SHISA6: variants seen among roughly 807,000 people sequenced by gnomAD.
SHISA6 encodes the protein protein shisa-6.
A neutral mutation model predicts 47.9 loss-of-function variants in SHISA6; 22 were observed. That is an observed-to-expected ratio of 0.46 (90% CI 0.33 to 0.66). SHISA6 has a LOEUF of 0.66. Ranked by LOEUF, SHISA6 falls within the 30% of genes least tolerant of loss-of-function variation. The pLI is 0.02. For synonymous variants in SHISA6, 388 were observed against 337.8 expected, an observed-to-expected ratio of 1.15 and a Z score of -1.63; for missense variants, 680 against 764.6, an observed-to-expected ratio of 0.89 and a Z score of 1.30.
chr17:11,520,567 C>T (rs1199844194), intron 3 of SHISA6, among the ~76,000 whole-genome samples: 6 of 152,184 alleles, frequency 3.9e-5, no homozygotes, highest in African/African-American at 1.4e-4. Flanking sequence ...TCCAGCTACA[C>T]TGATCATTTC....
intron 3 of SHISA6, among the ~76,000 whole-genome samples, chr17:11,485,075 G>T (rs1183974040): frequency 6.6e-6 from 1 of 152,112 alleles, no homozygotes; most frequent in Non-Finnish European, 1.5e-5. Flanking sequence ...TTTTAAAAAG[G>T]ACCAACCTTT....
chr17:11,251,188 T>C (rs1358164347), intron 1 of SHISA6, among the ~76,000 whole-genome samples: 2 of 152,026 alleles, frequency 1.3e-5, no homozygotes, highest in Non-Finnish European at 2.9e-5. Flanking sequence ...AGCAAAGACC[T>C]ACCTTCCCAT....
At chr17:11,329,797 G>A (rs1911033231) in intron 2 of SHISA6, among the ~76,000 whole-genome samples, 1 of 152,026 alleles carries the variant, frequency 6.6e-6, no homozygotes, top group African/African-American at 2.4e-5. Flanking sequence ...AAAGAAAATC[G>A]ACTTAATATA....
chr17:11,390,329 GT>G (rs1476214124), intron 3 of SHISA6, among the ~76,000 whole-genome samples: 3 of 152,310 alleles, frequency 2.0e-5, no homozygotes, highest in Non-Finnish European at 4.4e-5. Flanking sequence ...TATCAGGGCT[GT>G]TGTGGAGACT....
intron 3 of SHISA6, among the ~76,000 whole-genome samples, chr17:11,423,348 T>C (rs1914513998): frequency 6.7e-6 from 1 of 149,550 alleles, no homozygotes; most frequent in African/African-American, 2.5e-5. Flanking sequence ...GATAGATAGA[T>C]AGATAGATAG....
At chr17:11,344,773 T>C (rs1911643021) in intron 2 of SHISA6, among the ~76,000 whole-genome samples, 1 of 152,218 alleles carries the variant, frequency 6.6e-6, no homozygotes, top group Non-Finnish European at 1.5e-5. Flanking sequence ...ATTTAATATT[T>C]ATTTGCATTG....
At chr17:11,505,746 C>T (rs1357468305) in intron 3 of SHISA6, among the ~76,000 whole-genome samples, 1 of 152,164 alleles carries the variant, frequency 6.6e-6, no homozygotes, top group East Asian at 1.9e-4. Flanking sequence ...CAACTAGAAA[C>T]GGTTATTCAT....
intron 2 of SHISA6, among the ~76,000 whole-genome samples, chr17:11,343,348 GGCTTACCTTGAGT>G (rs1450538724): frequency 1.3e-5 from 2 of 152,126 alleles, no homozygotes; most frequent in Non-Finnish European, 2.9e-5. Context: ...AAGGATCAGT[GGCTTACCTTGAGT>G]GCTTTCAGGA....
intron 2 of SHISA6, among the ~76,000 whole-genome samples, chr17:11,321,335 A>G (rs1055909262): frequency 6.6e-5 from 10 of 152,262 alleles, no homozygotes; most frequent in African/African-American, 1.7e-4. Context: ...AAGAGAGGCT[A>G]GTAACATGAA....
intron 2 of SHISA6, among the ~76,000 whole-genome samples, chr17:11,344,027 C>T (rs1288402268): frequency 2.0e-5 from 3 of 152,102 alleles, no homozygotes; most frequent in Non-Finnish European, 4.4e-5. Flanking sequence ...TCCTAGTGGG[C>T]GTAAAGTGGT....
At chr17:11,470,061 A>G (rs764797999) in intron 3 of SHISA6, among the ~76,000 whole-genome samples, 3 of 152,186 alleles carry the variant, frequency 2.0e-5, no homozygotes, top group Non-Finnish European at 4.4e-5. Flanking sequence ...CACCGCAAGA[A>G]GTTGCCTTCT....
At chr17:11,442,338 T>G (rs995898288) in intron 3 of SHISA6, among the ~76,000 whole-genome samples, 2 of 121,808 alleles carry the variant, frequency 1.6e-5, no homozygotes, top group African/African-American at 5.3e-5. Flanking sequence ...ACCCTTAGGT[T>G]TCTGGCCTTT....
chr17:11,482,235 T>C (rs1916239789), intron 3 of SHISA6, among the ~76,000 whole-genome samples: 1 of 152,226 alleles, frequency 6.6e-6, no homozygotes, highest in Non-Finnish European at 1.5e-5. Context: ...ATTGGTGATG[T>C]TTGTTTTAAT....
chr17:11,372,611 T>C (rs1277533262), intron 2 of SHISA6, among the ~76,000 whole-genome samples: 1 of 152,168 alleles, frequency 6.6e-6, no homozygotes, highest in Non-Finnish European at 1.5e-5. Context: ...TTTCTAGTTA[T>C]TATTTGTTCG....
At chr17:11,526,117 C>T (rs1429115851) in intron 3 of SHISA6, among the ~76,000 whole-genome samples, 2 of 151,980 alleles carry the variant, frequency 1.3e-5, no homozygotes, top group African/African-American at 4.8e-5. Flanking sequence ...GGGACCCCCC[C>T]CCGCTCTCTG....
At position 11,283,829 on chromosome 17, in the gene SHISA6, A is replaced by C. The variant is rs562411091; in HGVS notation, c.799+20303A>C. On this transcript the variant is annotated intron_variant, in intron 2 of 5. Transcript: ENST00000441885. ...TCTGTTCTGTGCTGTGGAGAAACTT[A>C]TCTCTTATATTGCTTCTATTGCTAT... 2.0e-5 allele frequency among the ~76,000 whole-genome samples: 3 copies of C among 152,214 alleles called. No homozygotes were observed. The South Asian group carries it at 6.2e-4, about 32-fold the overall frequency.
chr17:11,435,078 A>G (rs1914898619), intron 3 of SHISA6, among the ~76,000 whole-genome samples: 3 of 152,032 alleles, frequency 2.0e-5, no homozygotes, highest in Non-Finnish European at 4.4e-5. Flanking sequence ...TTAGTGTCTT[A>G]AAAAAAGAGG....
At chr17:11,464,574 G>A (rs1915765151) in intron 3 of SHISA6, among the ~76,000 whole-genome samples, 1 of 152,174 alleles carries the variant, frequency 6.6e-6, no homozygotes, top group African/African-American at 2.4e-5. Context: ...GTGGAGAAGG[G>A]AGCCAAGCAA....
intron 3 of SHISA6, among the ~76,000 whole-genome samples, chr17:11,533,266 C>T (rs183322729): frequency 6.6e-6 from 1 of 152,298 alleles, no homozygotes; most frequent in Non-Finnish European, 1.5e-5. Context: ...CTTGTCAACG[C>T]ATTTCCCTTC....
Sources: allele counts gnomAD v4.1 joint callset (sites outside exome capture counted in the v4.1 genomes callset), GRCh38; gene constraint gnomAD v4.1.1; transcripts MANE v1.5; gene names NCBI Gene and HGNC (gene_info 2026-07-23, HGNC 2026-07-21).